PDE1A: variants seen among roughly 807,000 people sequenced by gnomAD.
PDE1A encodes dual specificity calcium/calmodulin-dependent 3',5'-cyclic nucleotide phosphodiesterase 1A.
A neutral mutation model predicts 61.7 loss-of-function variants in PDE1A; 35 were observed. That is an observed-to-expected ratio of 0.57 (90% CI 0.43 to 0.75). The LOEUF is 0.75. Ranked by LOEUF, PDE1A falls within the 30% of genes least tolerant of loss-of-function variation. The pLI is 0.00. For synonymous variants in PDE1A, 232 were observed against 213.2 expected (o/e 1.09, Z -0.77); for missense variants, 597 against 630.6 (o/e 0.95, Z 0.57).
chr2:182,564,362 T>C, the PDE1A span, among the ~76,000 whole-genome samples: 1 of 152,198 alleles, frequency 6.6e-6, no homozygotes, highest in Non-Finnish European at 1.5e-5. Flanking sequence ...TTCTTTTCTT[T>C]AAGAATGTTG....
At chr2:182,291,877 T>C (rs1329481715) in intron 1 of PDE1A, among the ~76,000 whole-genome samples, 2 of 152,170 alleles carry the variant, frequency 1.3e-5, no homozygotes, top group African/African-American at 4.8e-5. Flanking sequence ...TGTTTAATAA[T>C]ATTTGTATGC....
At chr2:182,206,370 T>A (rs1687102607) in intron 7 of PDE1A, among the ~76,000 whole-genome samples, 1 of 152,164 alleles carries the variant, frequency 6.6e-6, no homozygotes, top group African/African-American at 2.4e-5. Context: ...AGAGTGGTAT[T>A]TTTGTTACAA....
intron 1 of PDE1A, among the ~76,000 whole-genome samples, chr2:182,319,407 T>G (rs11686989): frequency 0.23 from 34,280 of 152,136 alleles, 4,485 homozygotes; most frequent in East Asian, 0.57. Context: ...TTAAGTTAAC[T>G]GAAAACTAAA....
intron 2 of PDE1A, among the ~76,000 whole-genome samples, chr2:182,503,137 A>G (rs1689196492): frequency 6.6e-6 from 1 of 151,310 alleles, no homozygotes; most frequent in Non-Finnish European, 1.5e-5. Flanking sequence ...CCATTTCATC[A>G]GTGCATTCTG....
intron 1 of PDE1A, among the ~76,000 whole-genome samples, chr2:182,318,435 A>G (rs771433315): frequency 6.6e-6 from 1 of 152,136 alleles, no homozygotes; most frequent in Non-Finnish European, 1.5e-5. Flanking sequence ...GCCATTTGTC[A>G]TTTTCAATAT....
the PDE1A span, among the ~76,000 whole-genome samples, chr2:182,626,985 G>A: frequency 9.3e-5 from 1 of 10,712 alleles, no homozygotes; most frequent in Non-Finnish European, 2.3e-4. Context: ...AAAAACCAAA[G>A]GACAAATGTC....
upstream of PDE1A, among the ~76,000 whole-genome samples, chr2:182,525,002 A>G (rs1239103043): frequency 6.6e-6 from 1 of 151,872 alleles, no homozygotes; most frequent in Non-Finnish European, 1.5e-5. Context: ...CATATACTCT[A>G]AATCTAGACT....
At chr2:182,563,555 G>GT in the PDE1A span, among the ~76,000 whole-genome samples, 1 of 152,174 alleles carries the variant, frequency 6.6e-6, no homozygotes. Flanking sequence ...GGAGAGTTCT[G>GT]TAGATGTCTA....
the PDE1A span, among the ~76,000 whole-genome samples, chr2:182,544,539 T>C: frequency 6.6e-6 from 1 of 152,204 alleles, no homozygotes. Context: ...ATGTGGCACC[T>C]GCTCTGGTGA....
rs759150767 is a variant in PDE1A at position 182,168,198 on chromosome 2, T to G, written c.*49A>C. The G allele has an allele frequency of 1.9e-6, 3 of 1,556,878 alleles. No individual in the cohort carries two copies. In the East Asian group the frequency reaches 6.9e-5, roughly 36 times the overall value. On this transcript the variant is annotated 3_prime_UTR_variant, in exon 14 of 14. Coordinates refer to ENST00000351439, the Ensembl canonical transcript of PDE1A. ...AGCATAATCAAAATCTCCAAGTCTT[T>G]TGGTCAAATTAGAGCTGCCACCATG...
At chr2:182,688,683 A>T in the PDE1A span, among the ~76,000 whole-genome samples, 1 of 152,238 alleles carries the variant, frequency 6.6e-6, no homozygotes, top group African/African-American at 2.4e-5. Flanking sequence ...TAACAATACT[A>T]ACCTTAAATG....
At chr2:182,411,792 A>C (rs190082606) in intron 1 of PDE1A, among the ~76,000 whole-genome samples, 23 of 152,170 alleles carry the variant, frequency 1.5e-4, no homozygotes, top group Admixed American at 4.6e-4. Flanking sequence ...AATGGCCCCA[A>C]CAACACGCCT....
At chr2:182,641,642 G>A in the PDE1A span, among the ~76,000 whole-genome samples, 2 of 152,162 alleles carry the variant, frequency 1.3e-5, no homozygotes, top group African/African-American at 2.4e-5. Flanking sequence ...TTCTGAGAAC[G>A]TTAGTCTTCT....
At chr2:182,509,392 G>C (rs371517943) in intron 2 of PDE1A, among the ~76,000 whole-genome samples, 35 of 152,226 alleles carry the variant, frequency 2.3e-4, no homozygotes, top group African/African-American at 8.2e-4. Context: ...CTTTGAGTAC[G>C]CAAAACTAGA....
At chr2:182,601,223 C>T in the PDE1A span, among the ~76,000 whole-genome samples, 8 of 152,294 alleles carry the variant, frequency 5.3e-5, no homozygotes, top group Middle Eastern at 0.014. Flanking sequence ...TAGGGTCCGG[C>T]CACTGCACAT....
intron 1 of PDE1A, among the ~76,000 whole-genome samples, chr2:182,402,177 T>C (rs1236629596): frequency 6.6e-6 from 1 of 152,166 alleles, no homozygotes; most frequent in Admixed American, 6.5e-5. Flanking sequence ...AAAAATACTT[T>C]AAATTTCATA....
chr2:182,367,459 T>A (rs1699898791), intron 1 of PDE1A, among the ~76,000 whole-genome samples: 1 of 151,956 alleles, frequency 6.6e-6, no homozygotes, highest in Non-Finnish European at 1.5e-5. Flanking sequence ...AAAACCTGTA[T>A]TAAACATTAG....
At chr2:182,593,733 C>T in the PDE1A span, among the ~76,000 whole-genome samples, 2 of 152,176 alleles carry the variant, frequency 1.3e-5, no homozygotes, top group Non-Finnish European at 2.9e-5. Context: ...ACCACTGGGA[C>T]CATGTCTTAC....
At chr2:182,344,851 C>T (rs1424030904) in intron 1 of PDE1A, among the ~76,000 whole-genome samples, 2 of 152,100 alleles carry the variant, frequency 1.3e-5, no homozygotes, top group East Asian at 3.9e-4. Flanking sequence ...GTTCAAAGTG[C>T]CAGTTATTTG....
Sources: allele counts gnomAD v4.1 joint callset (sites outside exome capture counted in the v4.1 genomes callset), GRCh38; gene constraint gnomAD v4.1.1; transcripts MANE v1.5; gene names NCBI Gene and HGNC (gene_info 2026-07-23, HGNC 2026-07-21).